The following RCBTB1 variants were observed in gnomAD, a reference collection of about 807,000 sequenced individuals.
The protein encoded by RCBTB1 is RCC1 and BTB domain containing protein 1, also known as RCC1 and BTB domain-containing protein 1.
In RCBTB1, 46 loss-of-function variants were observed where a neutral mutation model predicts 62.4. That is an observed-to-expected ratio of 0.74 (90% CI 0.58 to 0.94). The LOEUF is 0.94. RCBTB1 is among the 40% of genes least tolerant of loss of function. The pLI is 0.00. For missense variants in RCBTB1, 565 were observed against 654.9 expected, an observed-to-expected ratio of 0.86 and a Z score of 1.50; for synonymous variants, 222 against 245.8, an observed-to-expected ratio of 0.90 and a Z score of 0.91.
intron 10 of RCBTB1, among the ~76,000 whole-genome samples, chr13:49,542,897 A>G (rs138657706): frequency 2.2e-4 from 34 of 152,346 alleles, no homozygotes; most frequent in African/African-American, 6.3e-4. Flanking sequence ...TTTCTTATGT[A>G]TAACACAGTT....
chr13:49,544,237 A>G (rs1373470790), intron 10 of RCBTB1, among the ~76,000 whole-genome samples: 1 of 152,190 alleles, frequency 6.6e-6, no homozygotes, highest in African/African-American at 2.4e-5. Context: ...TGGGAGGCTG[A>G]GGCGGGCAGA....
chr13:49,556,413 AT>A (rs1355661757), intron 5 of RCBTB1, among the ~76,000 whole-genome samples: 1 of 151,756 alleles, frequency 6.6e-6, no homozygotes, highest in Non-Finnish European at 1.5e-5. Flanking sequence ...GATGGTCTCG[AT>A]CTCCTGACCA....
At chr13:49,571,110 GC>G (rs1403396873) in intron 2 of RCBTB1, among the ~76,000 whole-genome samples, 1 of 152,152 alleles carries the variant, frequency 6.6e-6, no homozygotes, top group African/African-American at 2.4e-5. Context: ...ACTTTGAGAG[GC>G]CGAGGCGGGC....
At chr13:49,552,937 A>T (rs1022478452) in intron 6 of RCBTB1, among the ~76,000 whole-genome samples, 1 of 152,166 alleles carries the variant, frequency 6.6e-6, no homozygotes, top group Non-Finnish European at 1.5e-5. Context: ...TAATCCCAGC[A>T]CTTTGGAAGG....
At chr13:49,535,350 T>G (rs1245989942) in intron 12 of RCBTB1, among the ~76,000 whole-genome samples, 10 of 152,176 alleles carry the variant, frequency 6.6e-5, no homozygotes, top group African/African-American at 2.4e-4. Flanking sequence ...GAATATATAT[T>G]TATTAAATCG....
chr13:49,573,482 CTT>C (rs1046918959), intron 2 of RCBTB1, among the ~76,000 whole-genome samples: 4 of 138,538 alleles, frequency 2.9e-5, no homozygotes, highest in South Asian at 2.2e-4. Context: ...GAGTTTCGCT[CTT>C]GTTGCCCAAG....
chr13:49,573,422 T>G (rs1963544097), intron 2 of RCBTB1, among the ~76,000 whole-genome samples: 1 of 151,472 alleles, frequency 6.6e-6, no homozygotes, highest in Non-Finnish European at 1.5e-5. Context: ...TCACTTCCCC[T>G]TTAGAAATTA....
chr13:49,573,202 G>A (rs965015251), intron 2 of RCBTB1, among the ~76,000 whole-genome samples: 2 of 152,148 alleles, frequency 1.3e-5, no homozygotes, highest in Non-Finnish European at 2.9e-5. Flanking sequence ...AATATGTCCT[G>A]TATGATTACA....
chr13:49,549,397 G>A, intron 9 of RCBTB1, 61 bp downstream of exon 9: 4 of 1,495,588 alleles, frequency 2.7e-6, no homozygotes, highest in Non-Finnish European at 3.6e-6. Flanking sequence ...AAAGACACAG[G>A]AAAACTGGTC....
chr13:49,547,108 C>T (rs1960848455), intron 9 of RCBTB1: 1 of 1,285,080 alleles, frequency 7.8e-7, no homozygotes, highest in Non-Finnish European at 1.0e-6. Flanking sequence ...GTATGCCATA[C>T]ATGTGCAATT....
At chr13:49,539,027 A>G (rs544891372) in intron 12 of RCBTB1, among the ~76,000 whole-genome samples, 42 of 151,582 alleles carry the variant, frequency 2.8e-4, no homozygotes, top group African/African-American at 3.4e-4. Flanking sequence ...GCACCACCAC[A>G]CCCAGCTAAT....
intron 9 of RCBTB1, chr13:49,546,136 C>G (rs1203998418): frequency 1.0e-6 from 1 of 985,182 alleles, no homozygotes; most frequent in Non-Finnish European, 1.2e-6. Flanking sequence ...TTGCTACCCC[C>G]ACCCATCCAA....
At chr13:49,547,110 T>C (rs1566223451) in intron 9 of RCBTB1, 1 of 1,286,700 alleles carries the variant, frequency 7.8e-7, no homozygotes. Context: ...ATGCCATACA[T>C]GTGCAATTCT....
intron 2 of RCBTB1, among the ~76,000 whole-genome samples, chr13:49,578,689 A>G (rs1475222709): frequency 6.6e-6 from 1 of 152,268 alleles, no homozygotes; most frequent in African/African-American, 2.4e-5. Flanking sequence ...AAAATTGTAT[A>G]TAACAGAAAA....
chr13:49,567,032 C>T, intron 3 of RCBTB1, 122 bp downstream of exon 3: 1 of 916,556 alleles, frequency 1.1e-6, no homozygotes, highest in Non-Finnish European at 1.6e-6. Context: ...AAGCCATAGT[C>T]TTCCTGAACT....
chr13:49,573,489 C>T (rs1435693733), intron 2 of RCBTB1, among the ~76,000 whole-genome samples: 1 of 146,350 alleles, frequency 6.8e-6, no homozygotes, highest in Non-Finnish European at 1.5e-5. Flanking sequence ...GCTCTTGTTG[C>T]CCAAGCTGGA....
intron 2 of RCBTB1, among the ~76,000 whole-genome samples, chr13:49,568,507 A>G (rs35472053): frequency 0.33 from 49,993 of 151,996 alleles, 9,912 homozygotes; most frequent in East Asian, 0.6. Flanking sequence ...GGCCATATAT[A>G]AAATCACCAT....
At chr13:49,551,059 T>G in intron 8 of RCBTB1, 1 of 371,370 alleles carries the variant, frequency 2.7e-6, no homozygotes. Flanking sequence ...GCCGAGATCG[T>G]GCCATTGCAC....
At chr13:49,570,991 T>A (rs759798160) in intron 2 of RCBTB1, among the ~76,000 whole-genome samples, 1 of 152,174 alleles carries the variant, frequency 6.6e-6, no homozygotes, top group South Asian at 2.1e-4. Context: ...AGTCACTTCT[T>A]TCTGACTTTA....
Sources: gnomAD v4.1 joint callset for allele counts (sites outside exome capture counted in the v4.1 genomes callset) on GRCh38, gnomAD v4.1.1 for gene constraint, MANE v1.5 for transcripts, NCBI Gene and HGNC (gene_info 2026-07-23, HGNC 2026-07-21) for gene names.